The following NIM1K variants were observed in gnomAD, a reference collection of about 807,000 sequenced individuals.
The protein encoded by NIM1K is NIM1 serine/threonine protein kinase, also known as serine/threonine-protein kinase NIM1.
A neutral mutation model predicts 37.1 loss-of-function variants in NIM1K; 35 were observed. That is an observed-to-expected ratio of 0.94 (90% CI 0.72 to 1.25). NIM1K has a LOEUF of 1.25. Ranked by LOEUF, NIM1K falls within the 50% of genes most tolerant of loss-of-function variation. The probability of loss-of-function intolerance (pLI) is 0.00; values close to 1 mark genes in which losing one functional copy is unlikely to be tolerated. For synonymous variants in NIM1K, 234 were observed against 206.6 expected (o/e 1.13, Z -1.14); for missense variants, 564 against 548.0 (o/e 1.03, Z -0.29).
intron 2 of NIM1K, among the ~76,000 whole-genome samples, chr5:43,273,114 C>G (rs1579613791): frequency 6.6e-6 from 1 of 152,244 alleles, no homozygotes; most frequent in East Asian, 1.9e-4. Context: ...CACCCTTTCT[C>G]TGGGGTTTCT....
At chr5:43,199,875 T>G (rs1290052000) in intron 1 of NIM1K, among the ~76,000 whole-genome samples, 1 of 152,154 alleles carries the variant, frequency 6.6e-6, no homozygotes, top group Non-Finnish European at 1.5e-5. Flanking sequence ...TGTCCTAGTG[T>G]GATTGTTATT....
At chr5:43,251,284 A>G (rs534039230) in intron 2 of NIM1K, among the ~76,000 whole-genome samples, 7 of 152,362 alleles carry the variant, frequency 4.6e-5, no homozygotes, top group Non-Finnish European at 8.8e-5. Context: ...CATGCTAACA[A>G]TCAATCTCAG....
chr5:43,257,201 GA>G (rs940214654), intron 2 of NIM1K, among the ~76,000 whole-genome samples: 6 of 151,950 alleles, frequency 3.9e-5, no homozygotes, highest in African/African-American at 4.8e-5. Context: ...GAAACCAAGT[GA>G]AAAAGGTATT....
rs12659157 is a variant in NIM1K at position 43,217,017 on chromosome 5, A to G, written c.-695+24606A>G. On this transcript the variant is annotated intron_variant, in intron 1 of 3. Coordinates refer to ENST00000326035, the MANE Select transcript of NIM1K (RefSeq NM_153361.4). ...CATACAATTCACTCATTTAAAGTATACAACTCAATGGTTTTACATATTCAG... is the reference window on the plus strand; with the variant it reads ...CATACAATTCACTCATTTAAAGTATGCAACTCAATGGTTTTACATATTCAG... 9.8e-3 allele frequency among the ~76,000 whole-genome samples: 1,496 copies of G among 152,220 alleles called. 92 individuals carry two copies. The East Asian group carries it at 0.16, about 16-fold the overall frequency.
At chr5:43,194,268 C>T (rs1021116553) in intron 1 of NIM1K, among the ~76,000 whole-genome samples, 5 of 152,152 alleles carry the variant, frequency 3.3e-5, no homozygotes, top group African/African-American at 9.7e-5. Context: ...GGGATTCCTG[C>T]GAGAGGCTAG....
intron 1 of NIM1K, among the ~76,000 whole-genome samples, chr5:43,242,022 C>A (rs1430997524): frequency 6.6e-6 from 1 of 151,982 alleles, no homozygotes. Context: ...CAAACCACAG[C>A]AACATTTGTA....
At chr5:43,196,959 T>TTC in intron 1 of NIM1K, among the ~76,000 whole-genome samples, 1 of 147,418 alleles carries the variant, frequency 6.8e-6, no homozygotes, top group East Asian at 2.0e-4. Context: ...TTTTTTTTTT[T>TTC]TTTTTTGGTA....
chr5:43,208,003 G>T (rs17303182), intron 1 of NIM1K, among the ~76,000 whole-genome samples: 2,260 of 152,192 alleles, frequency 0.015, 18 homozygotes, highest in Middle Eastern at 0.024. Flanking sequence ...TTATTTTTTT[G>T]AAAGTCAGCT....
At chr5:43,206,800 A>T (rs1752120142) in intron 1 of NIM1K, 1 of 768,360 alleles carries the variant, frequency 1.3e-6, no homozygotes, top group African/African-American at 1.7e-5. Flanking sequence ...ATTTTCCAGG[A>T]TCAGGGGATG....
At chr5:43,233,312 T>TA (rs548135228) in intron 1 of NIM1K, 205,278 of 303,196 alleles carry the variant, frequency 0.68, 60,603 homozygotes, top group Admixed American at 0.8. Context: ...GAGTGACACT[T>TA]AAAAAAAAAA....
chr5:43,245,720 C>A lies in NIM1K; in HGVS notation c.-56C>A. 1 of 1,510,036 alleles carries A rather than the reference C, an allele frequency of 6.6e-7. No individual in the cohort carries two copies. The highest frequency in any genetic ancestry group is 2.0e-5 in the Admixed American group (1 of 49,540). The allele number at this position is 1,510,036 out of a possible 1,614,324, so 93.5% of individuals were successfully genotyped here. On this transcript the variant is annotated 5_prime_UTR_variant, in exon 2 of 4. In the 5' UTR this introduces an upstream ATG that the reference lacks. Transcript: ENST00000326035. The stretch of plus-strand genomic sequence containing the variant: ...GCATCTCCCACCCTCTGAGCCTCTT[C>A]TGCTCCTGCACAACCTGCCTCTTCG...
chr5:43,226,871 A>G (rs1370829264), intron 1 of NIM1K, among the ~76,000 whole-genome samples: 2 of 152,194 alleles, frequency 1.3e-5, no homozygotes, highest in African/African-American at 4.8e-5. Flanking sequence ...AGCAGAGGGA[A>G]ATGTGAGTGT....
intron 2 of NIM1K, among the ~76,000 whole-genome samples, chr5:43,276,054 C>T (rs992518740): frequency 6.6e-6 from 1 of 151,850 alleles, no homozygotes; most frequent in Non-Finnish European, 1.5e-5. Context: ...GCCACCGGGT[C>T]CATCTAATTT....
chr5:43,266,203 T>C (rs1478019075), intron 2 of NIM1K, among the ~76,000 whole-genome samples: 1 of 152,248 alleles, frequency 6.6e-6, no homozygotes, highest in Non-Finnish European at 1.5e-5. Context: ...TGTTCAGCTA[T>C]GCCCTGCCCC....
intron 1 of NIM1K, among the ~76,000 whole-genome samples, chr5:43,220,936 G>A (rs769974833): frequency 6.6e-6 from 1 of 152,118 alleles, no homozygotes; most frequent in African/African-American, 2.4e-5. Flanking sequence ...GATAAGTCCC[G>A]AGAGTGCAGA....
At chr5:43,278,543 T>C (rs1256372728) in intron 3 of NIM1K, among the ~76,000 whole-genome samples, 1 of 152,186 alleles carries the variant, frequency 6.6e-6, no homozygotes, top group Non-Finnish European at 1.5e-5. Context: ...TCAGTCACCA[T>C]CTTTACTCAG....
intron 1 of NIM1K, among the ~76,000 whole-genome samples, chr5:43,220,623 TTTTCTTAACA>T (rs1212189939): frequency 1.3e-5 from 2 of 152,178 alleles, no homozygotes; most frequent in East Asian, 3.8e-4. Context: ...TATATTTTTA[TTTTCTTAACA>T]TTTGCTCTAA....
intron 2 of NIM1K, 93 bp from the exon 3 acceptor site, chr5:43,276,964 G>C: frequency 2.3e-6 from 3 of 1,282,256 alleles, no homozygotes; most frequent in South Asian, 2.8e-5. Context: ...GCCACTCTCT[G>C]TCTAGTAAAG....
chr5:43,232,595 T>A, intron 1 of NIM1K: 1 of 1,565,886 alleles, frequency 6.4e-7, no homozygotes, highest in Admixed American at 1.8e-5. Context: ...TCCAGGGTGG[T>A]GTGGGAGGTG....
Sources: allele counts gnomAD v4.1 joint callset (sites outside exome capture counted in the v4.1 genomes callset), GRCh38; gene constraint gnomAD v4.1.1; transcripts MANE v1.5; gene names NCBI Gene and HGNC (gene_info 2026-07-23, HGNC 2026-07-21).